CACNA1E: variants seen among roughly 807,000 people sequenced by gnomAD.
The protein encoded by CACNA1E is calcium voltage-gated channel subunit alpha1 E, also known as voltage-dependent R-type calcium channel subunit alpha-1E.
CACNA1E carries 40 observed loss-of-function variants against 259.2 expected under a neutral mutation model. That is an observed-to-expected ratio of 0.15 (90% confidence interval 0.12 to 0.20). The LOEUF (loss-of-function observed/expected upper bound fraction) is 0.20, where lower values mean the gene tolerates loss of function less well. Among genes scored for constraint, CACNA1E ranks in the 10% least tolerant of loss-of-function variants. The probability of loss-of-function intolerance (pLI) is 1.00; values close to 1 mark genes in which losing one functional copy is unlikely to be tolerated. For missense variants in CACNA1E, 1,874 were observed against 3,040.1 expected, an observed-to-expected ratio of 0.62 and a Z score of 9.02; for synonymous variants, 1,104 against 1,138.5, an observed-to-expected ratio of 0.97 and a Z score of 0.61.
intron 7 of CACNA1E, among the ~76,000 whole-genome samples, chr1:181,668,046 TTGTG>T (rs1189735999): frequency 6.6e-6 from 1 of 152,078 alleles, no homozygotes; most frequent in Non-Finnish European, 1.5e-5. Context: ...ATACACTCAT[TTGTG>T]TGTGTAGTTC....
chr1:181,641,816 C>T (rs142337707), intron 6 of CACNA1E, among the ~76,000 whole-genome samples: 12 of 139,114 alleles, frequency 8.6e-5, no homozygotes, highest in African/African-American at 3.0e-4. Context: ...TGGGTTCAAG[C>T]GATTCTTCTG....
At position 181,730,620 on chromosome 1, in the gene CACNA1E, G is replaced by A. The variant is rs529962498; in HGVS notation, c.2241-555G>A. Among the ~76,000 whole-genome samples, 26 of 152,340 alleles carry A rather than the reference G, an allele frequency of 1.7e-4. 1 individual carries two copies. In the East Asian group the frequency reaches 1.9e-3, roughly 11 times the overall value. ...CTGGAGTACATGGATGGTGGCCTAC[G>A]GAAAGATGGTGCTGCCTCTGACCAT... On this transcript the variant is annotated intron_variant, in intron 18 of 47. Coordinates refer to ENST00000367573, the MANE Select transcript of CACNA1E (RefSeq NM_001205293.3).
chr1:181,680,852 A>G (rs569628106), intron 7 of CACNA1E, among the ~76,000 whole-genome samples: 2 of 152,296 alleles, frequency 1.3e-5, no homozygotes, highest in South Asian at 4.1e-4. Context: ...TCCCAGCATC[A>G]GTAGGAGAAA....
intron 1 of CACNA1E, among the ~76,000 whole-genome samples, chr1:181,507,249 C>T (rs1318252860): frequency 6.6e-6 from 1 of 152,152 alleles, no homozygotes; most frequent in Non-Finnish European, 1.5e-5. Context: ...GAATTCTCAG[C>T]CACCCAGATA....
intron 2 of CACNA1E, among the ~76,000 whole-genome samples, chr1:181,464,250 C>T (rs913623853): frequency 1.3e-5 from 2 of 151,960 alleles, no homozygotes; most frequent in African/African-American, 4.8e-5. Context: ...TGTCACATTT[C>T]ACTAAAAAGA....
At chr1:181,368,519 A>C (rs1336843999) in intron 1 of CACNA1E, among the ~76,000 whole-genome samples, 2 of 152,236 alleles carry the variant, frequency 1.3e-5, no homozygotes, top group African/African-American at 4.8e-5. Flanking sequence ...GTTGTGTAAC[A>C]AATAATTCAG....
chr1:181,342,487 T>C (rs1406334417), intron 1 of CACNA1E, among the ~76,000 whole-genome samples: 1 of 152,078 alleles, frequency 6.6e-6, no homozygotes. Context: ...AAATAATAGA[T>C]TGTCATATGA....
chr1:181,608,592 C>T (rs1654451979), intron 6 of CACNA1E, among the ~76,000 whole-genome samples: 1 of 152,068 alleles, frequency 6.6e-6, no homozygotes, highest in African/African-American at 2.4e-5. Flanking sequence ...ATGGAGAGCG[C>T]TGGGTGAACA....
In CACNA1E at chr1:181,674,542, G is replaced by T. The variant is rs191139704; in HGVS notation, c.1055+23101G>T. Reference sequence around the variant, plus strand: ...ATCTCAGTAGCCAGAGGGTCATTCTGTCTTAGAGCCCCTGGACACAGTCCC... The same window carrying T: ...ATCTCAGTAGCCAGAGGGTCATTCTTTCTTAGAGCCCCTGGACACAGTCCC... On this transcript the variant is annotated intron_variant, in intron 7 of 47. Transcript: ENST00000367573. 1.5e-4 allele frequency among the ~76,000 whole-genome samples: 23 copies of T among 152,122 alleles called. 1 individual carries two copies. The East Asian group carries it at 4.4e-3, about 29-fold the overall frequency.
At chr1:181,637,474 GCCTT>G (rs200762314) in intron 6 of CACNA1E, among the ~76,000 whole-genome samples, 3 of 112,232 alleles carry the variant, frequency 2.7e-5, no homozygotes, top group African/African-American at 1.0e-4. Flanking sequence ...TTTCCTTCCT[GCCTT>G]CCTTCCTTCC....
At chr1:181,400,871 C>T (rs946825046) in intron 1 of CACNA1E, among the ~76,000 whole-genome samples, 1 of 152,172 alleles carries the variant, frequency 6.6e-6, no homozygotes, top group Non-Finnish European at 1.5e-5. Context: ...GCTGCAATGG[C>T]TTCCAACTGG....
chr1:181,499,118 A>G (rs756892872), intron 1 of CACNA1E, among the ~76,000 whole-genome samples: 5 of 152,232 alleles, frequency 3.3e-5, no homozygotes, highest in Non-Finnish European at 7.3e-5. Context: ...TCAATAGGCA[A>G]TGGACTTCTA....
intron 1 of CACNA1E, among the ~76,000 whole-genome samples, chr1:181,498,120 T>C (rs1287396068): frequency 1.3e-5 from 2 of 152,194 alleles, no homozygotes; most frequent in Admixed American, 1.3e-4. Context: ...TCCTTTCTGT[T>C]CTGGGGTACC....
At chr1:181,398,045 C>T (rs963065988) in intron 1 of CACNA1E, among the ~76,000 whole-genome samples, 13 of 152,320 alleles carry the variant, frequency 8.5e-5, no homozygotes, top group Admixed American at 2.0e-4. Flanking sequence ...CTGGGGAAGC[C>T]GCCTCTTTCT....
chr1:181,681,456 C>T (rs1649963772), intron 7 of CACNA1E, among the ~76,000 whole-genome samples: 1 of 152,172 alleles, frequency 6.6e-6, no homozygotes, highest in Non-Finnish European at 1.5e-5. Context: ...CTGTTGCTCT[C>T]CCCATCCTCC....
At chr1:181,733,781 C>G in intron 21 of CACNA1E, 31 bp downstream of exon 21, 1 of 1,457,058 alleles carries the variant, frequency 6.9e-7, no homozygotes, top group South Asian at 1.4e-5. Flanking sequence ...CCCCTCCACC[C>G]CCAACTCCTA....
chr1:181,340,816 G>A (rs940379259), intron 1 of CACNA1E, among the ~76,000 whole-genome samples: 1 of 152,174 alleles, frequency 6.6e-6, no homozygotes, highest in Admixed American at 6.5e-5. Context: ...AAATTTGGCT[G>A]ATGATTTACT....
intron 6 of CACNA1E, among the ~76,000 whole-genome samples, chr1:181,620,749 A>G (rs1655649699): frequency 6.6e-6 from 1 of 152,242 alleles, no homozygotes; most frequent in South Asian, 2.1e-4. Context: ...AATAGTTCAT[A>G]TGAGTCATGA....
intron 3 of CACNA1E, among the ~76,000 whole-genome samples, chr1:181,554,283 G>T (rs1648496000): frequency 6.6e-6 from 1 of 152,106 alleles, no homozygotes; most frequent in Admixed American, 6.5e-5. Flanking sequence ...AAAGTGCTTG[G>T]GATTAAAGAT....
Sources: allele counts gnomAD v4.1 joint callset (sites outside exome capture counted in the v4.1 genomes callset), GRCh38; gene constraint gnomAD v4.1.1; transcripts MANE v1.5; gene names NCBI Gene and HGNC (gene_info 2026-07-23, HGNC 2026-07-21).